Variants in MAF observed in about 807,000 individuals in gnomAD.
The protein encoded by MAF is MAF bZIP transcription factor, also known as transcription factor Maf.
Under a neutral mutation model 22.0 loss-of-function variants are expected in MAF, and 10 were observed. The ratio of observed to expected loss-of-function variants is 0.45; its 90% CI spans 0.28 to 0.77. MAF has a LOEUF of 0.77. MAF is among the 30% of genes least tolerant of loss of function. The pLI is 0.12. For synonymous variants in MAF, 337 were observed against 255.8 expected (o/e 1.32, Z -3.03); for missense variants, 544 against 548.4 (o/e 0.99, Z 0.08).
At chr16:79,209,684 T>C in the MAF span, among the ~76,000 whole-genome samples, 1 of 152,168 alleles carries the variant, frequency 6.6e-6, no homozygotes, top group African/African-American at 2.4e-5. Flanking sequence ...AACTCTAAGA[T>C]TCCAGGCCAA....
At chr16:79,360,705 T>C in the MAF span, among the ~76,000 whole-genome samples, 1 of 152,210 alleles carries the variant, frequency 6.6e-6, no homozygotes, top group African/African-American at 2.4e-5. Context: ...TCTTTTCTGC[T>C]TGCTCTGCAA....
At chr16:79,398,455 C>T in the MAF span, among the ~76,000 whole-genome samples, 28 of 152,224 alleles carry the variant, frequency 1.8e-4, no homozygotes, top group African/African-American at 6.5e-4. Flanking sequence ...GGATGTGGGG[C>T]AGGGATGGGT....
the MAF span, among the ~76,000 whole-genome samples, chr16:79,302,706 C>T: frequency 1.3e-5 from 2 of 152,354 alleles, no homozygotes; most frequent in East Asian, 1.9e-4. Context: ...TTTATCCATA[C>T]TCAGGAAAAA....
the MAF span, among the ~76,000 whole-genome samples, chr16:79,449,033 G>A: frequency 6.6e-6 from 1 of 152,138 alleles, no homozygotes. Flanking sequence ...TTCCTCCAAT[G>A]AGACAGTCCC....
At chr16:79,348,885 T>A in the MAF span, among the ~76,000 whole-genome samples, 1 of 152,210 alleles carries the variant, frequency 6.6e-6, no homozygotes, top group African/African-American at 2.4e-5. Context: ...TGAGAGGTGT[T>A]GTTAAGCGTT....
the MAF span, among the ~76,000 whole-genome samples, chr16:79,551,453 A>C: frequency 6.6e-6 from 1 of 152,004 alleles, no homozygotes; most frequent in Non-Finnish European, 1.5e-5. Context: ...CTTGAGTCCC[A>C]CTCTCTCCTT....
chr16:79,573,900 G>A, the MAF span, among the ~76,000 whole-genome samples: 12 of 152,176 alleles, frequency 7.9e-5, no homozygotes, highest in Admixed American at 5.9e-4. Flanking sequence ...TTGCAAAGAT[G>A]TCATCTTGGT....
At chr16:79,561,786 T>A in the MAF span, among the ~76,000 whole-genome samples, 1 of 152,170 alleles carries the variant, frequency 6.6e-6, no homozygotes, top group Non-Finnish European at 1.5e-5. Flanking sequence ...CTCAATGGAC[T>A]GAGAAGAGAG....
chr16:79,503,879 T>G, the MAF span, among the ~76,000 whole-genome samples: 14 of 152,356 alleles, frequency 9.2e-5, no homozygotes, highest in Admixed American at 7.2e-4. Flanking sequence ...ATTTCTTAAG[T>G]GTTGATTTGT....
the MAF span, among the ~76,000 whole-genome samples, chr16:79,252,201 C>T: frequency 3.9e-5 from 6 of 151,974 alleles, no homozygotes; most frequent in South Asian, 1.0e-3. Flanking sequence ...CGACCCATGT[C>T]GCAACTACTT....
At chr16:79,213,061 G>A in the MAF span, among the ~76,000 whole-genome samples, 1 of 152,194 alleles carries the variant, frequency 6.6e-6, no homozygotes, top group Non-Finnish European at 1.5e-5. Flanking sequence ...GTTTGAGAAT[G>A]GGAGCTGTGC....
At chr16:79,319,676 G>C in the MAF span, among the ~76,000 whole-genome samples, 1 of 150,964 alleles carries the variant, frequency 6.6e-6, no homozygotes, top group Admixed American at 6.6e-5. Context: ...TTATGTATTT[G>C]CATATTCATT....
chr16:79,435,004 G>A, the MAF span, among the ~76,000 whole-genome samples: 2 of 152,112 alleles, frequency 1.3e-5, no homozygotes, highest in Non-Finnish European at 2.9e-5. Flanking sequence ...TATCTGTTGG[G>A]AGTGATCACT....
the MAF span, among the ~76,000 whole-genome samples, chr16:79,518,444 C>T: frequency 2.6e-5 from 4 of 152,238 alleles, no homozygotes; most frequent in South Asian, 2.1e-4. Context: ...CATGGGGAAT[C>T]CTGAAAACCA....
chr16:79,498,959 A>C, the MAF span, among the ~76,000 whole-genome samples: 19 of 152,362 alleles, frequency 1.2e-4, no homozygotes, highest in South Asian at 3.9e-3. Flanking sequence ...AAGGAATTAC[A>C]GAAAGATACT....
At chr16:79,303,114 T>C in the MAF span, among the ~76,000 whole-genome samples, 3 of 152,168 alleles carry the variant, frequency 2.0e-5, no homozygotes, top group Admixed American at 6.5e-5. Context: ...TGTGTGTGTG[T>C]TGGGAGAGAG....
chr16:79,415,385 G>A, the MAF span, among the ~76,000 whole-genome samples: 1,244 of 152,036 alleles, frequency 8.2e-3, 19 homozygotes, highest in African/African-American at 0.029. Context: ...AGGGAGCAAG[G>A]AAGGGAGGGA....
At chr16:79,467,702 G>A in the MAF span, among the ~76,000 whole-genome samples, 1 of 152,130 alleles carries the variant, frequency 6.6e-6, no homozygotes. Context: ...CTCTGGGGCT[G>A]GGGCCCTGCA....
the MAF span, among the ~76,000 whole-genome samples, chr16:79,462,717 T>C: frequency 6.6e-6 from 1 of 152,218 alleles, no homozygotes; most frequent in African/African-American, 2.4e-5. Context: ...TTTCATTTCC[T>C]CTTGTGACCC....
Sources: allele counts gnomAD v4.1 joint callset (sites outside exome capture counted in the v4.1 genomes callset), GRCh38; gene constraint gnomAD v4.1.1; transcripts MANE v1.5; gene names NCBI Gene and HGNC (gene_info 2026-07-23, HGNC 2026-07-21).